The following FRK variants were observed in gnomAD, a reference collection of about 807,000 sequenced individuals.
The protein encoded by FRK is tyrosine-protein kinase FRK.
Under a neutral mutation model 56.4 loss-of-function variants are expected in FRK, and 51 were observed. The observed-to-expected ratio is 0.90, with a 90% CI of 0.72 to 1.14. FRK has a LOEUF of 1.14. Ranked by LOEUF, FRK falls within the 50% of genes most tolerant of loss-of-function variation. The probability of loss-of-function intolerance (pLI) is 0.00; values close to 1 mark genes in which losing one functional copy is unlikely to be tolerated. For synonymous variants in FRK, 245 were observed against 217.9 expected (o/e 1.12, Z -1.10); for missense variants, 570 against 601.4 (o/e 0.95, Z 0.55).
the FRK span, among the ~76,000 whole-genome samples, chr6:116,092,879 T>G: frequency 6.6e-6 from 1 of 152,202 alleles, no homozygotes; most frequent in Non-Finnish European, 1.5e-5. Context: ...TCCTAAGCCA[T>G]TGGGACCAAT....
upstream of FRK, among the ~76,000 whole-genome samples, chr6:116,063,504 A>G (rs1486847208): frequency 6.6e-6 from 1 of 152,186 alleles, no homozygotes; most frequent in Non-Finnish European, 1.5e-5. Flanking sequence ...GCTAAAAAAA[A>G]AAAAAATCCA....
At chr6:116,079,915 C>G in the FRK span, among the ~76,000 whole-genome samples, 67 of 152,150 alleles carry the variant, frequency 4.4e-4, 1 homozygote, top group African/African-American at 1.6e-3. Flanking sequence ...AAAATAGTAT[C>G]TTATGTTACC....
intron 1 of FRK, among the ~76,000 whole-genome samples, chr6:116,036,257 T>A (rs1488995349): frequency 2.0e-5 from 3 of 152,172 alleles, no homozygotes. Flanking sequence ...TCCACCTCCA[T>A]CTTTCAGCAG....
intron 5 of FRK, among the ~76,000 whole-genome samples, chr6:115,945,223 ATATCCAGT>A (rs1308572346): frequency 3.9e-5 from 6 of 152,136 alleles, no homozygotes; most frequent in Admixed American, 6.6e-5. Flanking sequence ...CTTTGGTTAT[ATATCCAGT>A]AATGGGATTG....
At chr6:115,958,687 A>G (rs1441439620) in intron 4 of FRK, among the ~76,000 whole-genome samples, 1 of 4,402 alleles carries the variant, frequency 2.3e-4, no homozygotes, top group Non-Finnish European at 4.9e-4. Flanking sequence ...AAAGAAAGAA[A>G]GAAAGAAAGA....
At chr6:115,998,559 T>C (rs894951579) in intron 2 of FRK, among the ~76,000 whole-genome samples, 5 of 152,196 alleles carry the variant, frequency 3.3e-5, no homozygotes, top group African/African-American at 1.2e-4. Context: ...CCAGAAATAA[T>C]AATTTACACA....
intron 1 of FRK, among the ~76,000 whole-genome samples, chr6:116,039,981 A>T (rs1776653064): frequency 6.6e-6 from 1 of 151,920 alleles, no homozygotes; most frequent in African/African-American, 2.4e-5. Context: ...AATCAAAGAA[A>T]TTTTATAGAC....
At chr6:116,059,930 G>C (rs766698888) in intron 1 of FRK, 38 bp downstream of exon 1, 2 of 1,527,708 alleles carry the variant, frequency 1.3e-6, no homozygotes, top group African/African-American at 1.4e-5. Flanking sequence ...CCAGCCCTCA[G>C]AGAGTTCAGA....
intron 2 of FRK, among the ~76,000 whole-genome samples, chr6:115,970,708 C>T (rs545076153): frequency 7.1e-4 from 108 of 152,234 alleles, no homozygotes; most frequent in South Asian, 1.7e-3. Flanking sequence ...AGCCAGTCTA[C>T]GCAATGGTGG....
chr6:116,058,397 G>A (rs915061941), intron 1 of FRK, among the ~76,000 whole-genome samples: 4 of 152,024 alleles, frequency 2.6e-5, no homozygotes, highest in African/African-American at 7.2e-5. Flanking sequence ...AACATTTATA[G>A]GTTCTTGGTG....
intron 4 of FRK, among the ~76,000 whole-genome samples, chr6:115,957,413 T>C (rs1212689832): frequency 6.6e-6 from 1 of 152,228 alleles, no homozygotes; most frequent in Non-Finnish European, 1.5e-5. Flanking sequence ...ATCAGTAATT[T>C]TAAAATCTTT....
intron 2 of FRK, among the ~76,000 whole-genome samples, chr6:115,980,806 T>C (rs1366312852): frequency 2.0e-5 from 3 of 152,084 alleles, no homozygotes; most frequent in African/African-American, 4.8e-5. Context: ...GTGTCTCCTC[T>C]TATACATAAG....
intron 2 of FRK, among the ~76,000 whole-genome samples, chr6:115,969,547 G>A (rs1028786909): frequency 1.3e-5 from 2 of 152,196 alleles, no homozygotes; most frequent in Non-Finnish European, 2.9e-5. Flanking sequence ...CTCTGAAAGC[G>A]TGTGGTCCAG....
chr6:116,030,211 T>C (rs1411941331), intron 1 of FRK, among the ~76,000 whole-genome samples: 1 of 152,084 alleles, frequency 6.6e-6, no homozygotes, highest in Admixed American at 6.6e-5. Context: ...CAATTTCTTT[T>C]TGATCCTTAG....
chr6:116,030,962 T>C (rs1260671964), intron 1 of FRK, among the ~76,000 whole-genome samples: 4 of 152,076 alleles, frequency 2.6e-5, no homozygotes, highest in African/African-American at 9.7e-5. Flanking sequence ...TACAAACATA[T>C]TTGGCAATAA....
intron 2 of FRK, among the ~76,000 whole-genome samples, chr6:115,998,257 C>T (rs1192625090): frequency 6.6e-6 from 1 of 152,158 alleles, no homozygotes; most frequent in East Asian, 1.9e-4. Flanking sequence ...CGGACTATTG[C>T]CTACAAATCT....
At chr6:115,981,634 C>T (rs561047850) in intron 2 of FRK, among the ~76,000 whole-genome samples, 10 of 152,120 alleles carry the variant, frequency 6.6e-5, no homozygotes, top group African/African-American at 2.4e-4. Flanking sequence ...TCTTTTTCCC[C>T]ACCCAATTTC....
intron 2 of FRK, among the ~76,000 whole-genome samples, chr6:115,977,806 T>C (rs1774041228): frequency 6.6e-6 from 1 of 152,146 alleles, no homozygotes; most frequent in African/African-American, 2.4e-5. Flanking sequence ...AAGACCCCAA[T>C]AGTCCAATCC....
At chr6:115,997,583 C>T (rs1298426940) in intron 2 of FRK, among the ~76,000 whole-genome samples, 1 of 152,120 alleles carries the variant, frequency 6.6e-6, no homozygotes, top group Non-Finnish European at 1.5e-5. Context: ...CTACCACTAT[C>T]CCCCAATCCC....
Sources: allele counts gnomAD v4.1 joint callset (sites outside exome capture counted in the v4.1 genomes callset), GRCh38; gene constraint gnomAD v4.1.1; transcripts MANE v1.5; gene names NCBI Gene and HGNC (gene_info 2026-07-23, HGNC 2026-07-21).